ZNF567: variants seen among roughly 807,000 people sequenced by gnomAD.
ZNF567 encodes zinc finger protein 567.
Under a neutral mutation model 53.9 loss-of-function variants are expected in ZNF567, and 36 were observed. That is an observed-to-expected ratio of 0.67 (90% CI 0.51 to 0.88). The LOEUF is 0.88. ZNF567 is among the 40% of genes least tolerant of loss of function. ZNF567 has a pLI of 0.00. For synonymous variants in ZNF567, 224 were observed against 260.4 expected (o/e 0.86, Z 1.35); for missense variants, 619 against 764.7 (o/e 0.81, Z 2.25).
downstream of ZNF567, among the ~76,000 whole-genome samples, chr19:36,724,004 CTT>C (rs536627641): frequency 0.4 from 39,143 of 98,126 alleles, 5,773 homozygotes; most frequent in East Asian, 0.58. Context: ...TTCTGTATTT[CTT>C]TTTTTTTTTT....
At chr19:36,670,430 A>G in the ZNF567 span, among the ~76,000 whole-genome samples, 1 of 152,130 alleles carries the variant, frequency 6.6e-6, no homozygotes, top group African/African-American at 2.4e-5. Flanking sequence ...TACTATTTAC[A>G]AAATAATAGT....
the ZNF567 span, among the ~76,000 whole-genome samples, chr19:36,676,787 G>A: frequency 6.6e-6 from 1 of 152,180 alleles, no homozygotes; most frequent in Non-Finnish European, 1.5e-5. Flanking sequence ...GAAGGCCAAG[G>A]TTGGGGGATC....
At chr19:36,687,432 T>A (rs1182431151), upstream of ZNF567, 1 of 152,388 alleles carries the variant, frequency 6.6e-6, no homozygotes. Context: ...AGCCACGCAC[T>A]ATGAGAATTT....
intron 3 of ZNF567, among the ~76,000 whole-genome samples, chr19:36,697,052 A>G (rs563284406): frequency 2.0e-5 from 3 of 152,334 alleles, no homozygotes; most frequent in South Asian, 2.1e-4. Context: ...TTAGGAGACA[A>G]GAAAATGTTA....
the ZNF567 span, among the ~76,000 whole-genome samples, chr19:36,681,812 A>C: frequency 1.3e-5 from 2 of 151,858 alleles, no homozygotes; most frequent in African/African-American, 2.4e-5. Flanking sequence ...AATATTATTA[A>C]CTATAGTCAT....
At chr19:36,669,151 A>G in the ZNF567 span, 1 of 152,192 alleles carries the variant, frequency 6.6e-6, no homozygotes, top group African/African-American at 2.4e-5. Flanking sequence ...TTCATTTTAT[A>G]TAAGGGACTT....
upstream of ZNF567, among the ~76,000 whole-genome samples, chr19:36,687,053 C>T (rs75869354): frequency 0.01 from 1,524 of 152,242 alleles, 33 homozygotes; most frequent in African/African-American, 0.035. Flanking sequence ...CTTCGACAGA[C>T]CCCTCAGTCC....
Position 36,712,781 on chromosome 19 carries a change from G to A in ZNF567, c.137G>A (p.Gly46Glu). ...LENYCHLISV[G>E]CHMTKPDVIL... ...CTTAAGTCTTTTTTTCACTTTTCAG[G>A]GTGTCACATGACCAAACCTGATGTG... Residue 46 changes from glycine to glutamate, a missense_variant and splice_region_variant, in exon 5 of 6, where the codon GGG (glycine) becomes GAG (glutamate). Physicochemically the swap from Gly to Glu is moderately conservative, Grantham distance 98 (BLOSUM62 -2). Transcript: ENST00000682579. 6.2e-7 allele frequency: 1 copy of A among 1,612,094 alleles called. No individual in the cohort carries two copies. The highest frequency in any genetic ancestry group is 8.5e-7 in the Non-Finnish European group (1 of 1,179,404).
rs1020516389 is a variant in ZNF567 at position 36,720,328 on chromosome 19, G to T, written c.1604G>T (p.Cys535Phe). Residue 535 changes from cysteine (C) to phenylalanine (F), a missense_variant, in exon 6 of 6, where the codon TGT becomes TTT. Cys to Phe is a radical substitution (Grantham distance 205). Transcript: ENST00000682579. ...CATACAGGGGAGAAACCCTATGTTT[G>T]TAATGAATGTGGGAAGTCCTTTCGC... ...RIHTGEKPYV[C>F]NECGKSFRQK... The T allele has an allele frequency of 1.9e-6, 3 of 1,614,164 alleles. No individual in the cohort carries two copies. Among genetic ancestry groups the T allele is most frequent in the Non-Finnish European group, 2.5e-6 (3 of 1,180,020 alleles).
At chr19:36,689,728 A>G (rs1379234180) in intron 2 of ZNF567, among the ~76,000 whole-genome samples, 1 of 152,138 alleles carries the variant, frequency 6.6e-6, no homozygotes, top group Admixed American at 6.5e-5. Context: ...TAAGGTGAGA[A>G]TTAGCCACCT....
intron 2 of ZNF567, among the ~76,000 whole-genome samples, chr19:36,693,013 T>A (rs2038700381): frequency 6.6e-6 from 1 of 151,910 alleles, no homozygotes; most frequent in Admixed American, 6.6e-5. Flanking sequence ...GTAGGCGGTA[T>A]GTGGTGGTTC....
intron 1 of ZNF567, among the ~76,000 whole-genome samples, chr19:36,688,806 C>CA (rs35120151): frequency 0.35 from 38,635 of 111,836 alleles, 5,935 homozygotes; most frequent in African/African-American, 0.42. Flanking sequence ...GACTCCGTCT[C>CA]AAAAAAAAAA....
chr19:36,674,089 C>G, the ZNF567 span, among the ~76,000 whole-genome samples: 8 of 152,238 alleles, frequency 5.3e-5, no homozygotes, highest in South Asian at 1.7e-3. Context: ...ACTGTTTATT[C>G]TCAAACATTT....
At position 36,719,544 on chromosome 19, in the gene ZNF567, A is replaced by G. The variant is rs2040217848; in HGVS notation, c.820A>G (p.Ile274Val). The stretch of plus-strand genomic sequence containing the variant: ...ATCAGTATTGATTCTGCATCAGGGA[A>G]TTCACTCAGAAGAAAAACCCTATCA... ...RKSVLILHQGIHSEEKPYQCH... is the reference protein window; with the variant it reads ...RKSVLILHQGVHSEEKPYQCH... The change falls in exon 6 of 6, where the codon ATT becomes GTT. Residue 274 changes from isoleucine to valine, a missense_variant. Ile to Val is a conservative substitution (Grantham distance 29). Transcript: ENST00000682579. 1.2e-6 allele frequency: 2 copies of G among 1,614,044 alleles called. No homozygotes were observed. Among genetic ancestry groups the G allele is most frequent in the Non-Finnish European group, 1.7e-6 (2 of 1,180,024 alleles).
intron 5 of ZNF567, among the ~76,000 whole-genome samples, chr19:36,714,223 G>A (rs1479498778): frequency 2.6e-5 from 4 of 152,012 alleles, no homozygotes; most frequent in Non-Finnish European, 4.4e-5. Context: ...ATGCAGTGAC[G>A]TCATCTTGGC....
chr19:36,701,909 T>C (rs2145702489), intron 3 of ZNF567, among the ~76,000 whole-genome samples: 1 of 151,500 alleles, frequency 6.6e-6, no homozygotes, highest in Admixed American at 6.6e-5. Context: ...AATTGGAGCA[T>C]TTAGCCTATT....
At chr19:36,673,860 G>T in the ZNF567 span, among the ~76,000 whole-genome samples, 1 of 152,136 alleles carries the variant, frequency 6.6e-6, no homozygotes, top group Admixed American at 6.6e-5. Context: ...GAGGCATCAA[G>T]AGCTTAAATA....
chr19:36,679,267 C>T, the ZNF567 span, among the ~76,000 whole-genome samples: 1 of 152,152 alleles, frequency 6.6e-6, no homozygotes, highest in Non-Finnish European at 1.5e-5. Flanking sequence ...GCCTGGGCGA[C>T]AGCGCGAGAC....
At chr19:36,675,971 A>C in the ZNF567 span, among the ~76,000 whole-genome samples, 2 of 151,290 alleles carry the variant, frequency 1.3e-5, no homozygotes, top group African/African-American at 4.9e-5. Flanking sequence ...ACTTTGATAA[A>C]TGGCATAGCT....
Sources: allele counts gnomAD v4.1 joint callset (sites outside exome capture counted in the v4.1 genomes callset), GRCh38; gene constraint gnomAD v4.1.1; transcripts MANE v1.5; gene names NCBI Gene and HGNC (gene_info 2026-07-23, HGNC 2026-07-21).